GLIS1: variants seen among roughly 807,000 people sequenced by gnomAD.
GLIS1 encodes zinc finger protein GLIS1.
Under a neutral mutation model 63.8 loss-of-function variants are expected in GLIS1, and 24 were observed. The observed-to-expected ratio is 0.38, with a 90% CI of 0.27 to 0.53. GLIS1 has a LOEUF of 0.53. GLIS1 is among the 20% of genes least tolerant of loss of function. The pLI, the probability that GLIS1 is intolerant of heterozygous loss-of-function variation, is 0.85. For synonymous variants in GLIS1, 450 were observed against 482.5 expected (o/e 0.93, Z 0.88); for missense variants, 1,036 against 1,074.1 (o/e 0.96, Z 0.50).
chr1:53,663,184 C>T (rs60563802), intron 2 of GLIS1, among the ~76,000 whole-genome samples: 4,283 of 152,310 alleles, frequency 0.028, 185 homozygotes, highest in African/African-American at 0.097. Flanking sequence ...GTGGCCCCAG[C>T]CCCATCTGCA....
intron 4 of GLIS1, among the ~76,000 whole-genome samples, chr1:53,562,814 T>C (rs1240923989): frequency 6.6e-6 from 1 of 152,226 alleles, no homozygotes; most frequent in Non-Finnish European, 1.5e-5. Context: ...AAATGATGCA[T>C]GCAAAGCACT....
Position 53,645,069 on chromosome 1 carries a change from G to A in GLIS1, c.260-44791C>T, listed in dbSNP as rs1445258444. ...ATGTCTGTGAAATAACTAAACAAAC[G>A]CACGCCAGCCACACCGGCCTCCTGG... On this transcript the variant is annotated intron_variant, in intron 2 of 10. Coordinates refer to ENST00000628545, the MANE Select transcript of GLIS1 (RefSeq NM_001367484.1). Among the ~76,000 whole-genome samples the A allele has an allele frequency of 3.3e-5, 5 of 152,116 alleles. No individual in the cohort carries two copies. The East Asian group carries it at 5.8e-4, about 18-fold the overall frequency.
chr1:53,643,206 A>G (rs1377659138), intron 2 of GLIS1, among the ~76,000 whole-genome samples: 2 of 152,210 alleles, frequency 1.3e-5, no homozygotes, highest in Non-Finnish European at 2.9e-5. Context: ...ACACTTTATT[A>G]TCCAGGCCAT....
At position 53,506,380 on chromosome 1, in the gene GLIS1, C is replaced by T. The variant is rs570944683; in HGVS notation, c.*239G>A. ...GCGGGGAGGAACGGGAAGACAAGAT[C>T]GAGGGAATGTTACAGGGCCACAGAT... On this transcript the variant is annotated 3_prime_UTR_variant, in exon 11 of 11. Coordinates refer to ENST00000628545, the MANE Select transcript of GLIS1 (RefSeq NM_001367484.1). The T allele has an allele frequency of 2.2e-4, 111 of 507,708 alleles. No individual in the cohort carries two copies. The highest frequency in any genetic ancestry group is 3.5e-4 in the Non-Finnish European group (101 of 285,960). The allele number at this position is 507,708 out of a possible 1,614,324, so 31.5% of individuals were successfully genotyped here.
intron 4 of GLIS1, among the ~76,000 whole-genome samples, chr1:53,592,474 C>T (rs1645201827): frequency 6.6e-6 from 1 of 152,204 alleles, no homozygotes; most frequent in African/African-American, 2.4e-5. Flanking sequence ...TGAAGGAGAA[C>T]TGTGGCTCAG....
chr1:53,531,460 G>C (rs1325494794), intron 4 of GLIS1, among the ~76,000 whole-genome samples: 2 of 152,202 alleles, frequency 1.3e-5, no homozygotes, highest in South Asian at 4.2e-4. Context: ...AGGACTGTGG[G>C]CTCATTTCAG....
chr1:53,651,960 G>C (rs962060111), intron 2 of GLIS1, among the ~76,000 whole-genome samples: 3 of 152,076 alleles, frequency 2.0e-5, no homozygotes, highest in African/African-American at 7.2e-5. Context: ...AGGCACTCAG[G>C]GTGAATGAGA....
At chr1:53,567,625 A>G (rs1251694551) in intron 4 of GLIS1, among the ~76,000 whole-genome samples, 1 of 152,224 alleles carries the variant, frequency 6.6e-6, no homozygotes, top group Admixed American at 6.5e-5. Context: ...GCTGAGGAGG[A>G]AAAAATGGTT....
intron 4 of GLIS1, among the ~76,000 whole-genome samples, chr1:53,554,784 GA>G (rs1381867883): frequency 6.6e-6 from 1 of 152,188 alleles, no homozygotes; most frequent in African/African-American, 2.4e-5. Context: ...ACATTCCCCT[GA>G]GAGCCACTGT....
At chr1:53,655,370 T>C (rs957941279) in intron 2 of GLIS1, among the ~76,000 whole-genome samples, 7 of 152,222 alleles carry the variant, frequency 4.6e-5, no homozygotes, top group African/African-American at 1.4e-4. Flanking sequence ...AATGTATTCA[T>C]TGATAATTTA....
At chr1:53,599,735 T>A (rs929069041) in intron 3 of GLIS1, among the ~76,000 whole-genome samples, 1 of 152,152 alleles carries the variant, frequency 6.6e-6, no homozygotes, top group East Asian at 1.9e-4. Flanking sequence ...GGGGCAGAGA[T>A]GGTATGTGGG....
At chr1:53,669,479 A>C (rs1382461295) in intron 2 of GLIS1, among the ~76,000 whole-genome samples, 1 of 152,216 alleles carries the variant, frequency 6.6e-6, no homozygotes, top group Non-Finnish European at 1.5e-5. Context: ...AGATCTGTCA[A>C]CCAGGTAAGG....
chr1:53,719,709 C>A lies in GLIS1; in HGVS notation c.259+18097G>T, dbSNP rs778482261. Among the ~76,000 whole-genome samples, 14 of 152,052 alleles carry A rather than the reference C, an allele frequency of 9.2e-5. 1 individual carries two copies. The highest frequency in any genetic ancestry group is 6.8e-3 in the Middle Eastern group (2 of 294). ...GGGGTGGAGTGGGAGTTGAAAAAAA[C>A]CAAATCCTCTGTGGAGAAAGGGGGA... On this transcript the variant is annotated intron_variant, in intron 2 of 10. Coordinates refer to ENST00000628545, the MANE Select transcript of GLIS1 (RefSeq NM_001367484.1).
rs576693145 is a variant in GLIS1 at position 53,730,702 on chromosome 1, C to T, written c.259+7104G>A. 4.6e-5 allele frequency among the ~76,000 whole-genome samples: 7 copies of T among 152,272 alleles called. No homozygotes were observed. The South Asian group carries it at 8.3e-4, about 18-fold the overall frequency. On this transcript the variant is annotated intron_variant, in intron 2 of 10. Coordinates refer to ENST00000628545, the MANE Select transcript of GLIS1 (RefSeq NM_001367484.1). ...AAGGCAAAAACACCTCGGACCAGAACGGCTCCTGCAAGTCCATCTTCAGAA... is the reference window on the plus strand; with the variant it reads ...AAGGCAAAAACACCTCGGACCAGAATGGCTCCTGCAAGTCCATCTTCAGAA...
chr1:53,680,334 A>C (rs1490608681), intron 2 of GLIS1, among the ~76,000 whole-genome samples: 1 of 152,214 alleles, frequency 6.6e-6, no homozygotes, highest in Non-Finnish European at 1.5e-5. Context: ...CCTGTCCACA[A>C]ACCCCTGCTT....
chr1:53,578,406 G>A (rs1392306708), intron 4 of GLIS1, among the ~76,000 whole-genome samples: 1 of 152,164 alleles, frequency 6.6e-6, no homozygotes, highest in Non-Finnish European at 1.5e-5. Context: ...AGTTATTTGT[G>A]AAAATAAGGT....
In GLIS1 at chr1:53,739,137, C is replaced by G. The variant is rs1439576380; in HGVS notation, c.-75G>C. On this transcript the variant is annotated 5_prime_UTR_variant, in exon 1 of 11. Transcript: ENST00000628545. ...CGGCAGCTGCAGATCGCTGGGCGCC[C>G]GGCTCGGCGCGCCTCCACTGGCGCA... 6.7e-6 allele frequency among the ~76,000 whole-genome samples: 1 copy of G among 149,324 alleles called. No homozygotes were observed. Among genetic ancestry groups the G allele is most frequent in the African/African-American group, 2.4e-5 (1 of 41,062 alleles).
intron 2 of GLIS1, among the ~76,000 whole-genome samples, chr1:53,632,178 T>C (rs1645660672): frequency 7.7e-6 from 1 of 129,620 alleles, no homozygotes; most frequent in African/African-American, 3.0e-5. Context: ...GAGGGGTATG[T>C]GAATGAGTGA....
chr1:53,591,711 C>T lies in GLIS1; in HGVS notation c.1320+2397G>A, dbSNP rs1420667010. Among the ~76,000 whole-genome samples, 3 of 152,312 alleles carry T rather than the reference C, an allele frequency of 2.0e-5. No individual in the cohort carries two copies. The East Asian group carries it at 5.8e-4, about 29-fold the overall frequency. Reference sequence around the variant, plus strand: ...CAGGTGGAGTTGTCACTTAGAATAGCACCTGCACACAGTCTGTACTTGGAA... The same window carrying T: ...CAGGTGGAGTTGTCACTTAGAATAGTACCTGCACACAGTCTGTACTTGGAA... On this transcript the variant is annotated intron_variant, in intron 4 of 10. Transcript: ENST00000628545.
Sources: allele counts gnomAD v4.1 joint callset (sites outside exome capture counted in the v4.1 genomes callset), GRCh38; gene constraint gnomAD v4.1.1; transcripts MANE v1.5; gene names NCBI Gene and HGNC (gene_info 2026-07-23, HGNC 2026-07-21).